Variants in RNLS observed in about 807,000 individuals in gnomAD.
The protein encoded by RNLS is renalase.
A neutral mutation model predicts 39.8 loss-of-function variants in RNLS; 39 were observed. That is an observed-to-expected ratio of 0.98 (90% CI 0.76 to 1.28). The LOEUF (loss-of-function observed/expected upper bound fraction) is 1.28. Among genes scored for constraint, RNLS ranks in the 50% most tolerant of loss-of-function variants. The pLI is 0.00. For missense variants in RNLS, 410 were observed against 413.3 expected (o/e 0.99, Z 0.07); for synonymous variants, 147 against 150.7 (o/e 0.98, Z 0.18).
chr10:88,295,996 T>C (rs1001855099), intron 6 of RNLS, among the ~76,000 whole-genome samples: 2 of 152,164 alleles, frequency 1.3e-5, no homozygotes, highest in African/African-American at 4.8e-5. Context: ...TCATATTACA[T>C]TATCCTTTAG....
chr10:88,504,237 T>C (rs758915113), intron 4 of RNLS, among the ~76,000 whole-genome samples: 1 of 152,096 alleles, frequency 6.6e-6, no homozygotes, highest in Non-Finnish European at 1.5e-5. Flanking sequence ...CCTAGGAGAC[T>C]GGTTAAATTG....
At chr10:88,459,558 T>A (rs545120286) in intron 4 of RNLS, among the ~76,000 whole-genome samples, 32 of 152,270 alleles carry the variant, frequency 2.1e-4, no homozygotes, top group African/African-American at 7.2e-4. Context: ...AGCTTGCTAA[T>A]CAATTTTAGA....
the RNLS span, among the ~76,000 whole-genome samples, chr10:88,228,134 G>C: frequency 5.3e-5 from 8 of 152,168 alleles, no homozygotes; most frequent in East Asian, 1.5e-3. Context: ...TAGCAAACAT[G>C]GTTTGGTCTT....
At chr10:88,464,273 G>A (rs548848768) in intron 4 of RNLS, among the ~76,000 whole-genome samples, 5 of 152,170 alleles carry the variant, frequency 3.3e-5, no homozygotes, top group East Asian at 1.9e-4. Context: ...AAGTGATGAC[G>A]AGAAAAATAT....
chr10:88,556,784 G>T (rs1848899981), intron 4 of RNLS, among the ~76,000 whole-genome samples: 1 of 152,054 alleles, frequency 6.6e-6, no homozygotes, highest in South Asian at 2.1e-4. Flanking sequence ...AAATCACCTT[G>T]TCACAGACCT....
chr10:88,250,204 G>A, the RNLS span, among the ~76,000 whole-genome samples: 6 of 152,288 alleles, frequency 3.9e-5, no homozygotes, highest in East Asian at 7.7e-4. Flanking sequence ...TGTAGGGACT[G>A]AGCCTTATTT....
intron 5 of RNLS, among the ~76,000 whole-genome samples, chr10:88,341,675 T>C (rs1051831029): frequency 1.3e-5 from 2 of 152,136 alleles, no homozygotes; most frequent in Non-Finnish European, 2.9e-5. Context: ...TATTTTGCTC[T>C]ACCATACTTT....
intron 4 of RNLS, among the ~76,000 whole-genome samples, chr10:88,440,229 C>T (rs1433651330): frequency 6.6e-6 from 1 of 152,158 alleles, no homozygotes; most frequent in East Asian, 1.9e-4. Context: ...ACAAGCACCT[C>T]CATGGATACA....
Position 88,357,197 on chromosome 10 carries a change from C to G in RNLS, c.700+5355G>C, listed in dbSNP as rs186068360. 1.5e-3 allele frequency among the ~76,000 whole-genome samples: 235 copies of G among 152,182 alleles called. 1 individual carries two copies. Among genetic ancestry groups the G allele is most frequent in the Admixed American group, 9.1e-3 (139 of 15,272 alleles). ...TTCGAATCATTTAATTCTCAGTAAC[C>G]CTTTGGTATTGGTATGGTATTATTT... On this transcript the variant is annotated intron_variant, in intron 5 of 6. Transcript: ENST00000331772.
At chr10:88,360,212 ACT>A (rs2133356341) in intron 5 of RNLS, among the ~76,000 whole-genome samples, 1 of 151,942 alleles carries the variant, frequency 6.6e-6, no homozygotes, top group African/African-American at 2.4e-5. Context: ...TCCTAACAAA[ACT>A]CTATTTTATT....
the RNLS span, among the ~76,000 whole-genome samples, chr10:88,175,375 C>T: frequency 6.6e-6 from 1 of 152,042 alleles, no homozygotes; most frequent in African/African-American, 2.4e-5. Context: ...TTGATGTAGG[C>T]ATTTACTGCT....
chr10:88,334,294 T>C (rs1221798617), intron 5 of RNLS, among the ~76,000 whole-genome samples: 3 of 152,232 alleles, frequency 2.0e-5, no homozygotes. Context: ...TTTCAGTTAG[T>C]TATGTATGAG....
intron 4 of RNLS, among the ~76,000 whole-genome samples, chr10:88,400,841 C>T (rs1426620): frequency 0.28 from 42,746 of 151,508 alleles, 6,866 homozygotes; most frequent in African/African-American, 0.44. Context: ...TTTTCAATGC[C>T]CCTATGTGAC....
intron 4 of RNLS, among the ~76,000 whole-genome samples, chr10:88,501,021 G>A (rs1034804346): frequency 7.3e-6 from 1 of 136,604 alleles, no homozygotes; most frequent in African/African-American, 2.8e-5. Context: ...ATATATCTCT[G>A]TGTGTGTGTG....
At chr10:88,415,205 T>A (rs540834978) in intron 4 of RNLS, among the ~76,000 whole-genome samples, 3 of 152,324 alleles carry the variant, frequency 2.0e-5, no homozygotes, top group East Asian at 3.9e-4. Flanking sequence ...TGTGGAATGC[T>A]AAAATATTTA....
At chr10:88,573,609 T>C (rs556364533) in intron 3 of RNLS, among the ~76,000 whole-genome samples, 21 of 152,178 alleles carry the variant, frequency 1.4e-4, no homozygotes, top group Non-Finnish European at 2.5e-4. Context: ...TTCTCATCAA[T>C]AGATCAATTG....
intron 4 of RNLS, among the ~76,000 whole-genome samples, chr10:88,458,172 T>C (rs1416925844): frequency 6.6e-6 from 1 of 152,154 alleles, no homozygotes; most frequent in Non-Finnish European, 1.5e-5. Flanking sequence ...TAGCAGGACA[T>C]GTTAGCCAAG....
the RNLS span, among the ~76,000 whole-genome samples, chr10:88,225,915 ATTT>A: frequency 6.7e-6 from 1 of 150,368 alleles, no homozygotes; most frequent in Non-Finnish European, 1.5e-5. Context: ...TCAGTGTCCT[ATTT>A]TTTTTTTCAT....
the RNLS span, among the ~76,000 whole-genome samples, chr10:88,176,428 C>T: frequency 1.3e-5 from 2 of 152,180 alleles, no homozygotes; most frequent in Non-Finnish European, 2.9e-5. Context: ...CCTGCCTTAG[C>T]CTCCCAAAGT....
Sources: gnomAD v4.1 joint callset for allele counts (sites outside exome capture counted in the v4.1 genomes callset) on GRCh38, gnomAD v4.1.1 for gene constraint, MANE v1.5 for transcripts, NCBI Gene and HGNC (gene_info 2026-07-23, HGNC 2026-07-21) for gene names.